Variants in CFAP44 observed in about 807,000 individuals in gnomAD.
CFAP44 encodes cilia and flagella associated protein 44, also known as cilia- and flagella-associated protein 44.
Under a neutral mutation model 216.2 loss-of-function variants are expected in CFAP44, and 134 were observed. The ratio of observed to expected loss-of-function variants is 0.62; its 90% CI spans 0.54 to 0.72. The LOEUF (loss-of-function observed/expected upper bound fraction) is 0.72. Ranked by LOEUF, CFAP44 falls within the 30% of genes least tolerant of loss-of-function variation. The pLI is 0.00. For synonymous variants in CFAP44, 700 were observed against 727.6 expected, an observed-to-expected ratio of 0.96 and a Z score of 0.61; for missense variants, 2,035 against 2,182.1, an observed-to-expected ratio of 0.93 and a Z score of 1.34.
At chr3:113,423,541 T>C (rs1230581292) in intron 4 of CFAP44, among the ~76,000 whole-genome samples, 1 of 152,182 alleles carries the variant, frequency 6.6e-6, no homozygotes, top group Non-Finnish European at 1.5e-5. Context: ...CTTTGTCTTA[T>C]CTCACCCTCT....
intron 30 of CFAP44, among the ~76,000 whole-genome samples, chr3:113,305,389 G>A (rs1949975685): frequency 6.6e-6 from 1 of 152,122 alleles, no homozygotes; most frequent in South Asian, 2.1e-4. Context: ...ATAAAGTTTT[G>A]TGAATAAGAG....
intron 5 of CFAP44, chr3:113,417,272 A>G (rs949691307): frequency 2.0e-5 from 3 of 152,238 alleles, no homozygotes; most frequent in African/African-American, 7.2e-5. Context: ...AAACGAATGT[A>G]AACTTACCAG....
At chr3:113,343,769 T>C (rs1029328420) in intron 23 of CFAP44, among the ~76,000 whole-genome samples, 3 of 152,174 alleles carry the variant, frequency 2.0e-5, no homozygotes, top group African/African-American at 7.2e-5. Flanking sequence ...AAGGATTAAG[T>C]ATCAGGACAG....
Position 113,427,192 on chromosome 3 carries a change from G to A in CFAP44, c.248C>T (p.Thr83Ile), listed in dbSNP as rs1360205300. ...AGAAAACTAATAATACCTACCTGTA[G>A]TGCTTTGCAAATCACCATACTGAAA... ...SSFQYGDLQS[T>I]TVPQQTPAPA... Residue 83 changes from threonine to isoleucine, a missense_variant, in exon 3 of 35, where the codon ACT becomes ATT. Thr to Ile is a moderately conservative substitution (Grantham distance 89). Coordinates refer to ENST00000393845, the MANE Select transcript of CFAP44 (RefSeq NM_001164496.2). 6 of 1,612,358 alleles carry A rather than the reference G, an allele frequency of 3.7e-6. No individual in the cohort carries two copies. Among genetic ancestry groups the A allele is most frequent in the Non-Finnish European group, 5.1e-6 (6 of 1,179,530 alleles).
Position 113,395,849 on chromosome 3 carries a change from T to C in CFAP44, c.1791A>G (p.Gln597=), listed in dbSNP as rs1385861617. 6 of 1,613,224 alleles carry C rather than the reference T, an allele frequency of 3.7e-6. No individual in the cohort carries two copies. The highest frequency in any genetic ancestry group is 1.3e-5 in the African/African-American group (1 of 74,894). Residue 597 remains glutamine (Q), a synonymous_variant, in exon 15 of 35, where the codon CAA becomes CAG. Coordinates refer to ENST00000393845, the MANE Select transcript of CFAP44 (RefSeq NM_001164496.2). ...GEILATGSKD[Q]TVFFFEVERD... ...TTTCCACTTCAAAGAAGAAAACAGT[T>C]TGATCTTTACTCTAAGGAAAAAGAG...
At chr3:113,345,177 G>A (rs1055185473) in intron 22 of CFAP44, among the ~76,000 whole-genome samples, 4 of 149,440 alleles carry the variant, frequency 2.7e-5, no homozygotes, top group Middle Eastern at 7.1e-3. Context: ...TATAGTTTGT[G>A]TATGTGTTTT....
At chr3:113,375,258 G>A (rs1032398653) in intron 17 of CFAP44, among the ~76,000 whole-genome samples, 1 of 152,162 alleles carries the variant, frequency 6.6e-6, no homozygotes, top group African/African-American at 2.4e-5. Flanking sequence ...ACAGATGTTG[G>A]TGATGACGTC....
chr3:113,369,473 T>G (rs1209371026), intron 18 of CFAP44, among the ~76,000 whole-genome samples: 1 of 152,338 alleles, frequency 6.6e-6, no homozygotes. Context: ...TGCTCCTGAA[T>G]GACTACTGGG....
chr3:113,371,922 T>C (rs1251845551), intron 18 of CFAP44, among the ~76,000 whole-genome samples: 1 of 152,142 alleles, frequency 6.6e-6, no homozygotes, highest in Non-Finnish European at 1.5e-5. Context: ...GCAAAGGATA[T>C]GAACAGACAC....
intron 18 of CFAP44, among the ~76,000 whole-genome samples, chr3:113,371,299 T>C (rs554896394): frequency 1.7e-3 from 254 of 152,306 alleles, no homozygotes; most frequent in African/African-American, 5.8e-3. Context: ...AGAACAAAGC[T>C]GGAGGCATCA....
At chr3:113,292,234 C>G (rs1949836774) in intron 34 of CFAP44, among the ~76,000 whole-genome samples, 1 of 152,156 alleles carries the variant, frequency 6.6e-6, no homozygotes, top group Non-Finnish European at 1.5e-5. Flanking sequence ...ATCCATTATA[C>G]ATATACATCA....
chr3:113,428,825 G>T (rs1023470985), intron 2 of CFAP44: 3 of 152,072 alleles, frequency 2.0e-5, no homozygotes, highest in Admixed American at 6.5e-5. Flanking sequence ...AACCTGCTGG[G>T]ATTTTTGGTG....
At chr3:113,303,322 C>A (rs1348690203) in intron 32 of CFAP44, among the ~76,000 whole-genome samples, 2 of 152,058 alleles carry the variant, frequency 1.3e-5, no homozygotes, top group Non-Finnish European at 2.9e-5. Flanking sequence ...TAATAAATAT[C>A]CTAAATATCC....
Position 113,396,712 on chromosome 3 carries a change from C to G in CFAP44, c.1585G>C (p.Ala529Pro). 6.2e-7 allele frequency: 1 copy of G among 1,613,846 alleles called. No individual in the cohort carries two copies. Among genetic ancestry groups the G allele is most frequent in the Non-Finnish European group, 8.5e-7 (1 of 1,179,840 alleles). ...WVPRMVNFTG[A>P]QIIVGFEDGV... Reference sequence around the variant, plus strand: ...TCTTCAAATCCTACAATAATTTGTGCTCCAGTGAAGTTTACCTTGGAGAAA... The same window carrying G: ...TCTTCAAATCCTACAATAATTTGTGGTCCAGTGAAGTTTACCTTGGAGAAA... Residue 529 changes from alanine to proline, a missense_variant, in exon 14 of 35, where the codon GCA (alanine) becomes CCA (proline). By Grantham distance (27) the Ala-to-Pro change is conservative (BLOSUM62 -1). Transcript: ENST00000393845.
chr3:113,396,848 A>G (rs1042908266), intron 13 of CFAP44, 121 bp from the exon 14 acceptor site: 7 of 970,604 alleles, frequency 7.2e-6, no homozygotes, highest in Non-Finnish European at 1.1e-5. Context: ...GCAATTCTTT[A>G]TATCACTTTC....
chr3:113,407,570 C>G (rs556019247), intron 7 of CFAP44, among the ~76,000 whole-genome samples: 2 of 152,080 alleles, frequency 1.3e-5, no homozygotes, highest in African/African-American at 2.4e-5. Context: ...TCTAGATCAC[C>G]CTGTGCCTTC....
chr3:113,424,164 G>A (rs113798711), intron 4 of CFAP44, among the ~76,000 whole-genome samples: 1,924 of 152,248 alleles, frequency 0.013, 35 homozygotes, highest in African/African-American at 0.043. Context: ...AGGGCTAGGC[G>A]CGGTGGCTCA....
At chr3:113,397,998 T>G (rs1934036305) in intron 13 of CFAP44, among the ~76,000 whole-genome samples, 1 of 152,224 alleles carries the variant, frequency 6.6e-6, no homozygotes, top group African/African-American at 2.4e-5. Flanking sequence ...CCAAATCTAC[T>G]GTCTTGGAAG....
intron 22 of CFAP44, among the ~76,000 whole-genome samples, chr3:113,350,603 GT>G (rs1474413775): frequency 6.6e-6 from 1 of 152,232 alleles, no homozygotes; most frequent in Non-Finnish European, 1.5e-5. Flanking sequence ...AAACAAGGGT[GT>G]AGCCCGAAAG....
Sources: allele counts gnomAD v4.1 joint callset (sites outside exome capture counted in the v4.1 genomes callset), GRCh38; gene constraint gnomAD v4.1.1; transcripts MANE v1.5; gene names NCBI Gene and HGNC (gene_info 2026-07-23, HGNC 2026-07-21).